Variants in CAMK1D observed in about 807,000 individuals in gnomAD.
CAMK1D encodes the protein calcium/calmodulin dependent protein kinase ID, also known as calcium/calmodulin-dependent protein kinase type 1D.
CAMK1D carries 9 observed loss-of-function variants against 47.7 expected under a neutral mutation model. The ratio of observed to expected loss-of-function variants is 0.19; its 90% CI spans 0.11 to 0.33. CAMK1D has a LOEUF of 0.33. Among genes scored for constraint, CAMK1D ranks in the 10% least tolerant of loss-of-function variants. The pLI is 1.00. For missense variants in CAMK1D, 291 were observed against 488.7 expected (o/e 0.60, Z 3.81); for synonymous variants, 184 against 184.9 (o/e 0.99, Z 0.04).
intron 3 of CAMK1D, among the ~76,000 whole-genome samples, chr10:12,715,271 C>T (rs1388540870): frequency 6.6e-6 from 1 of 152,166 alleles, no homozygotes; most frequent in Non-Finnish European, 1.5e-5. Context: ...CATTGGCCTA[C>T]CTAGATTCCA....
At chr10:12,773,289 G>A (rs7919642) in intron 5 of CAMK1D, among the ~76,000 whole-genome samples, 34,887 of 151,898 alleles carry the variant, frequency 0.23, 4,472 homozygotes, top group Middle Eastern at 0.32. Context: ...CTGTGCAGTC[G>A]TCCCATGGTA....
chr10:12,665,127 C>T (rs1239179841), intron 2 of CAMK1D, among the ~76,000 whole-genome samples: 7 of 152,078 alleles, frequency 4.6e-5, no homozygotes, highest in Admixed American at 3.9e-4. Context: ...GCTCAGACCA[C>T]GTAGAAACTA....
intron 3 of CAMK1D, among the ~76,000 whole-genome samples, chr10:12,719,985 A>C (rs559642713): frequency 1.3e-5 from 2 of 152,330 alleles, no homozygotes; most frequent in South Asian, 4.2e-4. Flanking sequence ...GCCTTCTGAG[A>C]TGCTGATTCA....
chr10:12,643,585 G>A lies in CAMK1D; in HGVS notation c.225-23151G>A, dbSNP rs549506981. Among the ~76,000 whole-genome samples the A allele has an allele frequency of 2.6e-5, 4 of 152,288 alleles. No homozygotes were observed. In the East Asian group the frequency reaches 5.8e-4, roughly 22 times the overall value. ...GGGATCTAGGTTGTGTGCTCCTGAT[G>A]AGACTCTAATGTGTGGGGCTAGGTG... On this transcript the variant is annotated intron_variant, in intron 2 of 10. Coordinates refer to ENST00000619168, the MANE Select transcript of CAMK1D (RefSeq NM_153498.4).
At position 12,463,980 on chromosome 10, in the gene CAMK1D, C is replaced by T. The variant is rs117184001; in HGVS notation, c.93-89245C>T. 3.3e-4 allele frequency among the ~76,000 whole-genome samples: 50 copies of T among 152,214 alleles called. 2 individuals are homozygous for T. In the East Asian group the frequency reaches 8.3e-3, roughly 25 times the overall value. On this transcript the variant is annotated intron_variant, in intron 1 of 10. Coordinates refer to ENST00000619168, the MANE Select transcript of CAMK1D (RefSeq NM_153498.4). ...CTTCTGCCTTGCTTCCTTCCTCTTC[C>T]ACCATGATTGTAAGTTTCCCGAGGC...
intron 1 of CAMK1D, among the ~76,000 whole-genome samples, chr10:12,537,128 G>A (rs1426367934): frequency 6.6e-6 from 1 of 152,066 alleles, no homozygotes; most frequent in Non-Finnish European, 1.5e-5. Context: ...CTGGAGTGCA[G>A]TGGTGTGATC....
At chr10:12,515,710 C>T (rs1188577791) in intron 1 of CAMK1D, among the ~76,000 whole-genome samples, 1 of 150,638 alleles carries the variant, frequency 6.6e-6, no homozygotes, top group East Asian at 2.0e-4. Flanking sequence ...CCCGGGTTCA[C>T]GCCATTCTCC....
chr10:12,472,855 A>G (rs945771528), intron 1 of CAMK1D, among the ~76,000 whole-genome samples: 2 of 152,054 alleles, frequency 1.3e-5, no homozygotes, highest in Non-Finnish European at 2.9e-5. Flanking sequence ...CATTTTCTAT[A>G]TGCAGGGCCC....
rs140149389 is a variant in CAMK1D, at chr10:12,365,734, G to A, written c.92+15824G>A. On this transcript the variant is annotated intron_variant, in intron 1 of 10. Coordinates refer to ENST00000619168, the MANE Select transcript of CAMK1D (RefSeq NM_153498.4). ...ATTACAGGTGTAAGCCACCACGCCC[G>A]GCCTAAAGATTATAGCTTTAAAAAT... Among the ~76,000 whole-genome samples the A allele has an allele frequency of 3.6e-3, 549 of 150,934 alleles. 7 individuals carry two copies. In the East Asian group the frequency reaches 0.038, roughly 10 times the overall value.
chr10:12,462,070 G>A (rs11257807), intron 1 of CAMK1D, among the ~76,000 whole-genome samples: 20,903 of 150,904 alleles, frequency 0.14, 1,531 homozygotes, highest in South Asian at 0.26. Context: ...TTTGTGTTCT[G>A]TCGAAGTCCA....
intron 10 of CAMK1D, among the ~76,000 whole-genome samples, chr10:12,827,824 GACAA>G (rs1833312438): frequency 6.6e-6 from 1 of 151,960 alleles, no homozygotes; most frequent in Non-Finnish European, 1.5e-5. Context: ...GAGTAGCTGG[GACAA>G]CAGGCATGTA....
chr10:12,624,946 T>C (rs1434290872), intron 2 of CAMK1D, among the ~76,000 whole-genome samples: 1 of 151,766 alleles, frequency 6.6e-6, no homozygotes, highest in African/African-American at 2.4e-5. Flanking sequence ...CTATGCCCCA[T>C]TTCTTTCTTC....
chr10:12,621,724 G>A (rs1407777163), intron 2 of CAMK1D, among the ~76,000 whole-genome samples: 1 of 152,154 alleles, frequency 6.6e-6, no homozygotes, highest in Non-Finnish European at 1.5e-5. Context: ...TTCATTGCTA[G>A]CATACAGGAC....
intron 1 of CAMK1D, among the ~76,000 whole-genome samples, chr10:12,374,861 T>C (rs1418954470): frequency 6.8e-6 from 1 of 147,952 alleles, no homozygotes; most frequent in Non-Finnish European, 1.5e-5. Flanking sequence ...GAGAATCACT[T>C]GAACCTGGGA....
chr10:12,764,950 C>T (rs192112240), intron 4 of CAMK1D, among the ~76,000 whole-genome samples: 2 of 152,166 alleles, frequency 1.3e-5, no homozygotes, highest in East Asian at 3.9e-4. Flanking sequence ...ACAAAAGTAG[C>T]CGTGTGTGGT....
chr10:12,527,843 C>G (rs995777262), intron 1 of CAMK1D, among the ~76,000 whole-genome samples: 1 of 152,308 alleles, frequency 6.6e-6, no homozygotes, highest in South Asian at 2.1e-4. Context: ...AGAAATTTAA[C>G]CTGTAATTAG....
intron 1 of CAMK1D, among the ~76,000 whole-genome samples, chr10:12,536,319 C>T (rs1401589927): frequency 6.6e-6 from 1 of 152,056 alleles, no homozygotes; most frequent in Non-Finnish European, 1.5e-5. Flanking sequence ...CACTCTGTCT[C>T]CAAGGCTGGA....
chr10:12,604,793 C>A (rs1838401235), intron 2 of CAMK1D, among the ~76,000 whole-genome samples: 1 of 152,128 alleles, frequency 6.6e-6, no homozygotes, highest in South Asian at 2.1e-4. Flanking sequence ...TAGTATGAAG[C>A]ATCTTTAAAC....
chr10:12,659,919 G>A (rs1324383092), intron 2 of CAMK1D, among the ~76,000 whole-genome samples: 2 of 152,058 alleles, frequency 1.3e-5, no homozygotes, highest in South Asian at 2.1e-4. Context: ...ACCGGAAGCT[G>A]ATTGCGGCTC....
Sources: gnomAD v4.1 joint callset for allele counts (sites outside exome capture counted in the v4.1 genomes callset) on GRCh38, gnomAD v4.1.1 for gene constraint, MANE v1.5 for transcripts, NCBI Gene and HGNC (gene_info 2026-07-23, HGNC 2026-07-21) for gene names.